The following ME3 variants were observed in gnomAD, a reference collection of about 807,000 sequenced individuals.
ME3 encodes malic enzyme 3.
A neutral mutation model predicts 68.9 loss-of-function variants in ME3; 48 were observed. The ratio of observed to expected loss-of-function variants is 0.70; its 90% CI spans 0.55 to 0.89. The LOEUF (loss-of-function observed/expected upper bound fraction) is 0.89. Among genes scored for constraint, ME3 ranks in the 40% least tolerant of loss-of-function variants. The pLI, the probability that ME3 is intolerant of heterozygous loss-of-function variation, is 0.00. For missense variants in ME3, 675 were observed against 797.4 expected (o/e 0.85, Z 1.85); for synonymous variants, 320 against 318.8 (o/e 1.00, Z -0.04).
intron 6 of ME3, among the ~76,000 whole-genome samples, chr11:86,493,373 A>G (rs545217610): frequency 9.5e-4 from 145 of 152,336 alleles, no homozygotes; most frequent in African/African-American, 3.4e-3. Context: ...AAGATCTCCA[A>G]GGCTCAGCAG....
intron 7 of ME3, among the ~76,000 whole-genome samples, chr11:86,483,332 A>G (rs1043264756): frequency 2.0e-5 from 3 of 152,186 alleles, no homozygotes; most frequent in Non-Finnish European, 4.4e-5. Flanking sequence ...CTGGAAGGAC[A>G]GGGGCTCACA....
chr11:86,478,324 C>CAAAAAAAAAAAAAAAAAAAAA (rs57349808), intron 7 of ME3, among the ~76,000 whole-genome samples: 1 of 62,914 alleles, frequency 1.6e-5, no homozygotes, highest in Non-Finnish European at 3.0e-5. Flanking sequence ...GCCTAAGGAC[C>CAAAAAAAAAAAAAAAAAAAAA]AAAAAAAAAA....
intron 2 of ME3, among the ~76,000 whole-genome samples, chr11:86,627,588 A>G (rs1943742006): frequency 6.6e-6 from 1 of 152,252 alleles, no homozygotes; most frequent in African/African-American, 2.4e-5. Flanking sequence ...TCTGAGAATC[A>G]TGTACACAAC....
intron 4 of ME3, among the ~76,000 whole-genome samples, chr11:86,549,189 C>G (rs1300574180): frequency 5.3e-5 from 8 of 152,182 alleles, no homozygotes; most frequent in Non-Finnish European, 8.8e-5. Flanking sequence ...TTCTAGTTAC[C>G]TAAGGCAGAA....
At chr11:86,655,509 A>G (rs1945801283) in intron 2 of ME3, among the ~76,000 whole-genome samples, 2 of 152,178 alleles carry the variant, frequency 1.3e-5, no homozygotes, top group Admixed American at 6.5e-5. Flanking sequence ...AGGATTCCCT[A>G]TTTAATAAAT....
intron 7 of ME3, among the ~76,000 whole-genome samples, chr11:86,472,413 G>A (rs1263556237): frequency 6.6e-6 from 1 of 152,192 alleles, no homozygotes; most frequent in African/African-American, 2.4e-5. Flanking sequence ...ACAGCTGGGA[G>A]GACAGACTGG....
chr11:86,623,447 C>A (rs1466184037), intron 2 of ME3, among the ~76,000 whole-genome samples: 1 of 152,176 alleles, frequency 6.6e-6, no homozygotes, highest in African/African-American at 2.4e-5. Flanking sequence ...ATTGCCTGAG[C>A]AAATTCCTAT....
intron 2 of ME3, among the ~76,000 whole-genome samples, chr11:86,670,079 G>T (rs1211765763): frequency 2.0e-5 from 3 of 152,150 alleles, no homozygotes; most frequent in South Asian, 2.1e-4. Flanking sequence ...AACTCCAGGG[G>T]TGGGCTCTGA....
rs1942727258 is a variant in ME3, at chr11:86,613,333, G to A, written c.184-53510C>T. Among the ~76,000 whole-genome samples the A allele has an allele frequency of 1.3e-5, 2 of 152,078 alleles. 1 individual carries two copies. ...TGGAACATATCTCAAAATAATAAGAGCTATTTATGACAAACCCACAGCCAA... is the reference window on the plus strand; with the variant it reads ...TGGAACATATCTCAAAATAATAAGAACTATTTATGACAAACCCACAGCCAA... On this transcript the variant is annotated intron_variant, in intron 2 of 14. Transcript: ENST00000543262.
chr11:86,482,352 A>G (rs1053573618), intron 7 of ME3, among the ~76,000 whole-genome samples: 5 of 152,278 alleles, frequency 3.3e-5, no homozygotes, highest in Admixed American at 3.3e-4. Flanking sequence ...TGCCTGGCTC[A>G]GTGTCTGGTG....
At chr11:86,453,615 A>G (rs1041349952) in intron 8 of ME3, among the ~76,000 whole-genome samples, 2 of 152,230 alleles carry the variant, frequency 1.3e-5, no homozygotes, top group Admixed American at 6.5e-5. Flanking sequence ...TAGATAAACA[A>G]CAAGATTTTT....
At chr11:86,603,269 C>T (rs1029394625) in intron 2 of ME3, among the ~76,000 whole-genome samples, 1 of 151,760 alleles carries the variant, frequency 6.6e-6, no homozygotes. Flanking sequence ...ACAAACAACC[C>T]CATCAAAAAG....
At chr11:86,439,583 C>T (rs527561344), downstream of ME3, among the ~76,000 whole-genome samples, 19 of 152,294 alleles carry the variant, frequency 1.2e-4, no homozygotes, top group South Asian at 2.9e-3. Context: ...GAAGGAGAGA[C>T]CAAGCATGGA....
chr11:86,543,617 T>C (rs542070662), intron 4 of ME3, among the ~76,000 whole-genome samples: 2 of 152,312 alleles, frequency 1.3e-5, no homozygotes, highest in East Asian at 3.9e-4. Context: ...ATCCTAAATA[T>C]ATATGCACCC....
At chr11:86,495,254 T>C (rs1016024326) in intron 6 of ME3, among the ~76,000 whole-genome samples, 2 of 152,216 alleles carry the variant, frequency 1.3e-5, no homozygotes, top group East Asian at 3.9e-4. Context: ...CACAGGGTTA[T>C]TGCAAGGCTT....
At chr11:86,441,608 T>G (rs1459676086) in intron 14 of ME3, among the ~76,000 whole-genome samples, 168 bp from the exon 15 acceptor site, 2 of 152,190 alleles carry the variant, frequency 1.3e-5, no homozygotes, top group Non-Finnish European at 2.9e-5. Context: ...AAGCTTTCTT[T>G]CTGGACAGGC....
intron 2 of ME3, among the ~76,000 whole-genome samples, chr11:86,609,712 G>C (rs4245420): frequency 0.4 from 60,440 of 151,790 alleles, 12,619 homozygotes; most frequent in East Asian, 0.71. Context: ...ACATGTACAA[G>C]AATATTGATT....
chr11:86,491,438 G>T (rs949313877), intron 6 of ME3, among the ~76,000 whole-genome samples: 1 of 152,212 alleles, frequency 6.6e-6, no homozygotes, highest in Non-Finnish European at 1.5e-5. Flanking sequence ...TGCAGACCGG[G>T]CTGGGGAACG....
At chr11:86,538,637 A>T (rs1357675000) in intron 4 of ME3, among the ~76,000 whole-genome samples, 1 of 151,894 alleles carries the variant, frequency 6.6e-6, no homozygotes, top group Non-Finnish European at 1.5e-5. Flanking sequence ...TCTCATTTCC[A>T]CATCTAGGAA....
Sources: gnomAD v4.1 joint callset for allele counts (sites outside exome capture counted in the v4.1 genomes callset) on GRCh38, gnomAD v4.1.1 for gene constraint, MANE v1.5 for transcripts, NCBI Gene and HGNC (gene_info 2026-07-23, HGNC 2026-07-21) for gene names.